ANKRD11: variants seen among roughly 807,000 people sequenced by gnomAD.
ANKRD11 encodes ankyrin repeat domain-containing protein 11.
In ANKRD11, 17 loss-of-function variants were observed where a neutral mutation model predicts 195.7. That is an observed-to-expected ratio of 0.09 (90% CI 0.06 to 0.13). The LOEUF is 0.13. Among genes scored for constraint, ANKRD11 ranks in the 10% least tolerant of loss-of-function variants. The probability of loss-of-function intolerance (pLI) is 1.00; values close to 1 mark genes in which losing one functional copy is unlikely to be tolerated. For missense variants in ANKRD11, 3,735 were observed against 3,566.1 expected (o/e 1.05, Z -1.21); for synonymous variants, 1,953 against 1,528.1 (o/e 1.28, Z -6.49).
At chr16:89,386,277 T>C (rs1210651107) in intron 2 of ANKRD11, among the ~76,000 whole-genome samples, 2 of 150,372 alleles carry the variant, frequency 1.3e-5, no homozygotes, top group African/African-American at 4.9e-5. Context: ...ATCAGTCACT[T>C]TTTTTTTTTA....
At chr16:89,323,400 A>C (rs2037461240) in intron 2 of ANKRD11, 1 of 1,219,092 alleles carries the variant, frequency 8.2e-7, no homozygotes, top group Non-Finnish European at 1.1e-6. Flanking sequence ...GAGAGCAAGC[A>C]GCCCAGGGCA....
chr16:89,401,776 G>C (rs547504636), intron 2 of ANKRD11, among the ~76,000 whole-genome samples: 5 of 152,286 alleles, frequency 3.3e-5, no homozygotes, highest in African/African-American at 1.2e-4. Flanking sequence ...TGGACACTGA[G>C]CTGTGCACGC....
chr16:89,271,154 C>G (rs768067644), intron 11 of ANKRD11: 3 of 558,110 alleles, frequency 5.4e-6, no homozygotes, highest in Non-Finnish European at 6.5e-6. Flanking sequence ...ACCGGGTGCC[C>G]GCAGGCCCCA....
chr16:89,396,538 AT>A (rs540555214), intron 2 of ANKRD11, among the ~76,000 whole-genome samples: 3 of 150,296 alleles, frequency 2.0e-5, no homozygotes, highest in East Asian at 1.9e-4. Flanking sequence ...TTCCCACTAG[AT>A]TTTTTTTTTG....
At chr16:89,353,062 GGGC>G (rs2039294994) in intron 2 of ANKRD11, among the ~76,000 whole-genome samples, 1 of 152,198 alleles carries the variant, frequency 6.6e-6, no homozygotes, top group Admixed American at 6.5e-5. Flanking sequence ...AAGTAGGGCT[GGGC>G]GCGGTGGCTC....
rs143776968 is a variant in ANKRD11 at position 89,345,221 on chromosome 16, G to A, written c.-59-28143C>T. Among the ~76,000 whole-genome samples the A allele has an allele frequency of 4.9e-3, 749 of 152,064 alleles. 4 individuals are homozygous for A. The highest frequency in any genetic ancestry group is 0.017 in the African/African-American group (724 of 41,406). On this transcript the variant is annotated intron_variant, in intron 2 of 12. Coordinates refer to ENST00000301030, the MANE Select transcript of ANKRD11 (RefSeq NM_013275.6). ...ACTGTAAAGATGGAAAAAAAAAATG[G>A]AGCGGCAAAAAAACATATTACAAGC...
At chr16:89,372,762 G>A (rs2040250153) in intron 2 of ANKRD11, 1 of 152,182 alleles carries the variant, frequency 6.6e-6, no homozygotes, top group Admixed American at 6.5e-5. Flanking sequence ...TTTTGTGACT[G>A]AAGATATTCC....
intron 2 of ANKRD11, among the ~76,000 whole-genome samples, chr16:89,352,560 G>A (rs1180583644): frequency 6.6e-6 from 1 of 152,160 alleles, no homozygotes; most frequent in Non-Finnish European, 1.5e-5. Flanking sequence ...TGAGGCCCCT[G>A]TCAGGGCCAC....
intron 7 of ANKRD11, chr16:89,286,438 T>C (rs983020826): frequency 1.6e-6 from 1 of 611,222 alleles, no homozygotes; most frequent in Admixed American, 3.1e-5. Context: ...GTGCTCTCCT[T>C]CAGAAGGGCT....
intron 2 of ANKRD11, among the ~76,000 whole-genome samples, chr16:89,344,608 G>C (rs2038851303): frequency 6.6e-6 from 1 of 152,238 alleles, no homozygotes; most frequent in Non-Finnish European, 1.5e-5. Flanking sequence ...CAAGCGTCCG[G>C]GAGGACACTC....
At chr16:89,363,954 A>G (rs1223641526) in intron 2 of ANKRD11, among the ~76,000 whole-genome samples, 1 of 152,132 alleles carries the variant, frequency 6.6e-6, no homozygotes, top group Admixed American at 6.5e-5. Context: ...CCAGCAACTC[A>G]GGAGCCTGAG....
intron 2 of ANKRD11, among the ~76,000 whole-genome samples, chr16:89,332,445 C>T (rs1170634989): frequency 2.0e-5 from 3 of 152,186 alleles, no homozygotes; most frequent in African/African-American, 7.2e-5. Context: ...ACAACGGCAG[C>T]ACCTGTACCC....
chr16:89,284,994 G>A lies in ANKRD11; in HGVS notation c.1548C>T (p.Ser516=). The A allele has an allele frequency of 2.5e-6, 4 of 1,614,078 alleles. No homozygotes were observed. Among genetic ancestry groups the A allele is most frequent in the Non-Finnish European group, 3.4e-6 (4 of 1,179,994 alleles). ...ACGAGGTGGAGGAGGCAGAGAGGGA[G>A]CTGAACAGGGAGGGGTCCTTCAGCA... ...PLVLKDPSLF[S]SLSASSTSSH... Residue 516 remains serine (S), a synonymous_variant, in exon 9 of 13, where the codon AGC becomes AGT. Coordinates refer to ENST00000301030, the MANE Select transcript of ANKRD11 (RefSeq NM_013275.6).
rs2034028454 is a variant in ANKRD11 at position 89,279,875 on chromosome 16, C to T, written c.6667G>A (p.Ala2223Thr). The change falls in exon 9 of 13, where the codon GCG becomes ACG. Residue 2223 changes from alanine (A) to threonine (T), a missense_variant. Transcript: ENST00000301030. The surrounding 1 kb of genome is among the most constrained non-coding windows in gnomAD (Gnocchi z 5.6). ...GCCCTCTCTTCCGGCACCGTCTCCGCCTCCACCGCAGCTTCTAGAGCCACG... is the reference window on the plus strand; with the variant it reads ...GCCCTCTCTTCCGGCACCGTCTCCGTCTCCACCGCAGCTTCTAGAGCCACG... ...LDVALEAAVE[A>T]ETVPEERARG... 2 of 1,581,444 alleles carry T rather than the reference C, an allele frequency of 1.3e-6. No individual in the cohort carries two copies. Among genetic ancestry groups the T allele is most frequent in the Non-Finnish European group, 1.7e-6 (2 of 1,165,264 alleles).
At chr16:89,335,207 T>C (rs950908887) in intron 2 of ANKRD11, among the ~76,000 whole-genome samples, 1 of 152,170 alleles carries the variant, frequency 6.6e-6, no homozygotes, top group African/African-American at 2.4e-5. Flanking sequence ...TTCCCCATTG[T>C]CCTGGCGTTC....
At chr16:89,413,580 G>T (rs375193951) in intron 2 of ANKRD11, among the ~76,000 whole-genome samples, 1 of 152,076 alleles carries the variant, frequency 6.6e-6, no homozygotes, top group Non-Finnish European at 1.5e-5. Flanking sequence ...AGCCGAGGTC[G>T]CACCACTGCA....
intron 1 of ANKRD11, among the ~76,000 whole-genome samples, chr16:89,451,296 G>A (rs537944847): frequency 6.6e-6 from 1 of 152,260 alleles, no homozygotes; most frequent in South Asian, 2.1e-4. Context: ...GAGACAGATA[G>A]TAGATTAGTG....
chr16:89,388,134 A>G (rs1344027277), intron 2 of ANKRD11, among the ~76,000 whole-genome samples: 2 of 152,118 alleles, frequency 1.3e-5, no homozygotes, highest in Non-Finnish European at 2.9e-5. Flanking sequence ...CCCTAATGCT[A>G]ACATCATACA....
intron 11 of ANKRD11, chr16:89,272,827 G>A (rs938587418): frequency 6.6e-6 from 1 of 151,834 alleles, no homozygotes; most frequent in African/African-American, 2.4e-5. Flanking sequence ...CCACAAAAAA[G>A]AATGAGATCC....
Sources: gnomAD v4.1 joint callset for allele counts (sites outside exome capture counted in the v4.1 genomes callset) on GRCh38, gnomAD v4.1.1 for gene constraint, Gnocchi (gnomAD v3.1) non-coding constraint, MANE v1.5 for transcripts, NCBI Gene and HGNC (gene_info 2026-07-23, HGNC 2026-07-21) for gene names.